TLK2: variants seen among roughly 807,000 people sequenced by gnomAD.
The protein encoded by TLK2 is tousled like kinase 2.
Under a neutral mutation model 117.3 loss-of-function variants are expected in TLK2, and 6 were observed. The ratio of observed to expected loss-of-function variants is 0.05; its 90% CI spans 0.03 to 0.10. TLK2 has a LOEUF of 0.10. Ranked by LOEUF, TLK2 falls within the 10% of genes least tolerant of loss-of-function variation. The probability of loss-of-function intolerance (pLI) is 1.00; values close to 1 mark genes in which losing one functional copy is unlikely to be tolerated. For synonymous variants in TLK2, 257 were observed against 316.7 expected (o/e 0.81, Z 2.00); for missense variants, 299 against 901.2 (o/e 0.33, Z 8.56).
chr17:62,590,722 T>C (rs1250871338), intron 16 of TLK2, among the ~76,000 whole-genome samples: 2 of 152,042 alleles, frequency 1.3e-5, no homozygotes, highest in Non-Finnish European at 2.9e-5. Flanking sequence ...CAAGCAATCT[T>C]CCCACTTCAG....
At chr17:62,528,730 T>G (rs911532300) in intron 6 of TLK2, among the ~76,000 whole-genome samples, 15 of 152,274 alleles carry the variant, frequency 9.9e-5, no homozygotes, top group Non-Finnish European at 1.8e-4. Context: ...TCGGAATGAT[T>G]TTTAGATTTT....
Position 62,524,283 on chromosome 17 carries a change from A to G in TLK2, c.315A>G (p.Pro105=), listed in dbSNP as rs759510312. 21 of 1,613,696 alleles carry G rather than the reference A, an allele frequency of 1.3e-5. No homozygotes were observed. The Admixed American group carries it at 2.3e-4, about 18-fold the overall frequency. The change falls in exon 6 of 22, where the codon CCA becomes CCG. Residue 105 remains proline (P), a synonymous_variant. Coordinates refer to ENST00000346027, the MANE Select transcript of TLK2 (RefSeq NM_006852.6). ...GAACCAGCCCTGGCAGAAGTGTTCC[A>G]CCAGTTGCACGATCCTCACCGCAAC... ...APGTSPGRSV[P]PVARSSPQHS... is the part of the protein sequence containing the mutation.
chr17:62,529,397 G>A (rs989837538), intron 6 of TLK2, among the ~76,000 whole-genome samples: 6 of 152,008 alleles, frequency 3.9e-5, no homozygotes, highest in Admixed American at 3.9e-4. Flanking sequence ...TCACCATGCC[G>A]AGATAATCTT....
intron 16 of TLK2, among the ~76,000 whole-genome samples, chr17:62,595,432 C>T (rs2082401483): frequency 6.6e-6 from 1 of 151,968 alleles, no homozygotes; most frequent in African/African-American, 2.4e-5. Context: ...AGGTGCTAGA[C>T]TTTAATATGG....
intron 2 of TLK2, among the ~76,000 whole-genome samples, chr17:62,495,977 AT>A: frequency 6.6e-6 from 1 of 151,838 alleles, no homozygotes; most frequent in Non-Finnish European, 1.5e-5. Flanking sequence ...CAAAATTAAA[AT>A]TTTTTACTAG....
intron 16 of TLK2, among the ~76,000 whole-genome samples, chr17:62,587,258 A>C (rs1290386116): frequency 6.6e-6 from 1 of 152,064 alleles, no homozygotes. Context: ...ATGCAGACTT[A>C]ATTTGCTATT....
At chr17:62,578,609 G>A in intron 14 of TLK2, 35 bp downstream of exon 14, 1 of 1,503,496 alleles carries the variant, frequency 6.7e-7, no homozygotes, top group Non-Finnish European at 9.3e-7. Flanking sequence ...GTTGGAGATT[G>A]CTAAGCATTT....
At chr17:62,591,969 T>C (rs544059036) in intron 16 of TLK2, among the ~76,000 whole-genome samples, 2 of 151,994 alleles carry the variant, frequency 1.3e-5, no homozygotes, top group African/African-American at 4.8e-5. Context: ...TTTTTTTTTT[T>C]CCGAGACAGA....
chr17:62,485,609 TG>T (rs949497543), intron 2 of TLK2, among the ~76,000 whole-genome samples: 11 of 152,318 alleles, frequency 7.2e-5, no homozygotes, highest in African/African-American at 2.4e-4. Flanking sequence ...TCATTTATTT[TG>T]GGCTTTGGGA....
At chr17:62,551,802 C>G (rs536861164) in intron 7 of TLK2, 1 of 163,092 alleles carries the variant, frequency 6.1e-6, no homozygotes, top group Non-Finnish European at 1.3e-5. Flanking sequence ...ATTTAAAATG[C>G]CTTAGAATGC....
At chr17:62,506,468 A>G (rs2074698269) in intron 2 of TLK2, among the ~76,000 whole-genome samples, 1 of 152,214 alleles carries the variant, frequency 6.6e-6, no homozygotes, top group African/African-American at 2.4e-5. Flanking sequence ...CAGTTCCAGT[A>G]GGAATTTTGT....
chr17:62,483,464 AAG>A lies in TLK2; in HGVS notation c.81+2260_81+2261del, dbSNP rs377352168. 2.9e-4 allele frequency among the ~76,000 whole-genome samples: 44 copies of A among 152,334 alleles called. No homozygotes were observed. In the East Asian group the frequency reaches 7.3e-3, roughly 25 times the overall value. ...TAGGAAATTCTACCTTTAACATAGA[AAG>A]AAGTTCTCTGTACAGAAAAAGAAAT... On this transcript the variant is annotated intron_variant, in intron 2 of 21. Transcript: ENST00000346027.
intron 2 of TLK2, among the ~76,000 whole-genome samples, chr17:62,498,930 A>C (rs1244918399): frequency 2.0e-5 from 3 of 152,038 alleles, no homozygotes; most frequent in Non-Finnish European, 2.9e-5. Context: ...TGGCGCAGTC[A>C]TGGCTCTCTG....
At chr17:62,509,909 A>C (rs1457330761) in intron 2 of TLK2, among the ~76,000 whole-genome samples, 3 of 152,164 alleles carry the variant, frequency 2.0e-5, no homozygotes, top group Non-Finnish European at 2.9e-5. Context: ...CTCACCAGAC[A>C]CCTAACCTGC....
intron 16 of TLK2, among the ~76,000 whole-genome samples, chr17:62,589,556 A>G (rs926039124): frequency 1.3e-5 from 2 of 152,198 alleles, no homozygotes; most frequent in Non-Finnish European, 2.9e-5. Context: ...AGCTGGGCAC[A>G]GGTTCAGCGA....
chr17:62,533,522 G>T (rs1598419665), intron 6 of TLK2, among the ~76,000 whole-genome samples: 2 of 150,836 alleles, frequency 1.3e-5, no homozygotes, highest in East Asian at 3.9e-4. Flanking sequence ...TGTAGCCCAG[G>T]CTGGAGTGCA....
chr17:62,482,552 C>T (rs1048116569), intron 2 of TLK2, among the ~76,000 whole-genome samples: 1 of 150,948 alleles, frequency 6.6e-6, no homozygotes, highest in East Asian at 2.0e-4. Context: ...TGGGTTCAAG[C>T]GATTCTCTTG....
intron 12 of TLK2, chr17:62,574,382 C>T (rs1358792803): frequency 6.6e-7 from 1 of 1,524,312 alleles, no homozygotes; most frequent in South Asian, 1.2e-5. Context: ...GGATACAGCC[C>T]CAGCCTTAGG....
intron 16 of TLK2, among the ~76,000 whole-genome samples, chr17:62,592,552 G>T (rs184399151): frequency 6.6e-6 from 1 of 152,242 alleles, no homozygotes; most frequent in African/African-American, 2.4e-5. Flanking sequence ...TAGGCTGTAT[G>T]GTATAGCCCA....
Sources: gnomAD v4.1 joint callset for allele counts (sites outside exome capture counted in the v4.1 genomes callset) on GRCh38, gnomAD v4.1.1 for gene constraint, MANE v1.5 for transcripts, NCBI Gene and HGNC (gene_info 2026-07-23, HGNC 2026-07-21) for gene names.